Variants in PDE11A observed in about 807,000 individuals in gnomAD.
PDE11A encodes phosphodiesterase 11A.
A neutral mutation model predicts 100.5 loss-of-function variants in PDE11A; 100 were observed. The observed-to-expected ratio is 1.00, with a 90% CI of 0.85 to 1.18. PDE11A has a LOEUF of 1.18. Among genes scored for constraint, PDE11A ranks in the 50% most tolerant of loss-of-function variants. PDE11A has a pLI of 0.00. For missense variants in PDE11A, 1,141 were observed against 1,152.6 expected (o/e 0.99, Z 0.15); for synonymous variants, 381 against 420.8 (o/e 0.91, Z 1.16).
intron 2 of PDE11A, among the ~76,000 whole-genome samples, chr2:178,083,100 T>A (rs902988241): frequency 6.2e-4 from 43 of 69,340 alleles, no homozygotes; most frequent in South Asian, 2.5e-3. Context: ...AAAACTAAAA[T>A]TTTTTTTTTT....
At chr2:177,900,244 C>T (rs2084676337) in intron 3 of PDE11A, among the ~76,000 whole-genome samples, 1 of 152,154 alleles carries the variant, frequency 6.6e-6, no homozygotes, top group African/African-American at 2.4e-5. Flanking sequence ...GTGAATTGCC[C>T]AGAGGGCACT....
intron 9 of PDE11A, among the ~76,000 whole-genome samples, chr2:177,772,057 T>A (rs2082319214): frequency 2.0e-5 from 3 of 152,026 alleles, no homozygotes; most frequent in Admixed American, 6.6e-5. Flanking sequence ...TGATCATAAC[T>A]AATATAGTTA....
intron 6 of PDE11A, among the ~76,000 whole-genome samples, chr2:177,826,824 C>T (rs990850208): frequency 2.0e-5 from 3 of 152,206 alleles, no homozygotes; most frequent in African/African-American, 7.2e-5. Flanking sequence ...GTTCACTGTC[C>T]AATCTACCCT....
In PDE11A at chr2:177,795,378, T is replaced by G. The variant is rs551798660; in HGVS notation, c.1737+21451A>C. 4.6e-5 allele frequency among the ~76,000 whole-genome samples: 7 copies of G among 152,332 alleles called. No homozygotes were observed. In the East Asian group the frequency reaches 9.7e-4, roughly 21 times the overall value. On this transcript the variant is annotated intron_variant, in intron 9 of 19. Coordinates refer to ENST00000286063, the MANE Select transcript of PDE11A (RefSeq NM_016953.4). ...CAGTCTCTGCTCTGGGCCCAACACC[T>G]GAGCCAATGTTCTGATTGGCTCCTG... is the stretch of plus-strand genomic sequence containing the variant.
intron 2 of PDE11A, chr2:177,997,359 A>T: frequency 1.2e-6 from 1 of 852,030 alleles, no homozygotes; most frequent in Non-Finnish European, 2.0e-6. Context: ...TCTGCTGAAG[A>T]TTTCTGGGGT....
intron 19 of PDE11A, among the ~76,000 whole-genome samples, chr2:177,658,447 C>G (rs1459502869): frequency 2.0e-5 from 3 of 151,402 alleles, no homozygotes; most frequent in Non-Finnish European, 2.9e-5. Flanking sequence ...CTTTCCTTCT[C>G]TCCTCCCCTT....
At position 178,071,509 on chromosome 2, in the gene PDE11A, A is replaced by G; in HGVS notation, c.912+17T>C. The stretch of plus-strand genomic sequence containing the variant: ...GCCAATGGGGCTCTGGGAGAAGGGG[A>G]CAATGCAAAGTCCTACCTGGTAGGC... On this transcript the variant is annotated intron_variant, in intron 1 of 19. Transcript: ENST00000286063. 6.2e-7 allele frequency: 1 copy of G among 1,613,200 alleles called. No individual in the cohort carries two copies. Among genetic ancestry groups the G allele is most frequent in the Non-Finnish European group, 8.5e-7 (1 of 1,179,210 alleles).
intron 3 of PDE11A, among the ~76,000 whole-genome samples, chr2:177,900,372 T>C (rs2084677680): frequency 6.6e-6 from 1 of 152,250 alleles, no homozygotes; most frequent in Non-Finnish European, 1.5e-5. Context: ...CTCAGGGACA[T>C]GACTAATTTT....
chr2:177,863,220 T>C (rs574551500), intron 5 of PDE11A, among the ~76,000 whole-genome samples: 3 of 152,024 alleles, frequency 2.0e-5, no homozygotes, highest in African/African-American at 7.2e-5. Flanking sequence ...CCAAAAACTA[T>C]AAAATTCCTA....
At chr2:177,921,862 T>C (rs2085053772) in intron 2 of PDE11A, 1 of 152,200 alleles carries the variant, frequency 6.6e-6, no homozygotes, top group African/African-American at 2.4e-5. Context: ...AAAATTATCC[T>C]ACTAAACTCA....
Position 177,629,355 on chromosome 2 carries a change from A to G in PDE11A, c.*52T>C. On this transcript the variant is annotated 3_prime_UTR_variant, in exon 20 of 20. Coordinates refer to ENST00000286063, the MANE Select transcript of PDE11A (RefSeq NM_016953.4). ...ACAAAAGGATGACATTGCTGGACTG[A>G]AAATGGCCCTTCAGGCTGTAGTCAT... The G allele has an allele frequency of 2.0e-6, 3 of 1,517,010 alleles. No individual in the cohort carries two copies. The Middle Eastern group carries it at 6.6e-4, about 336-fold the overall frequency. 94.0% of individuals were successfully genotyped at this position (1,517,010 alleles called of 1,614,324 possible).
chr2:177,779,043 A>G (rs1022140746), intron 9 of PDE11A, among the ~76,000 whole-genome samples: 3 of 152,180 alleles, frequency 2.0e-5, no homozygotes, highest in African/African-American at 7.2e-5. Flanking sequence ...AGATATTGAG[A>G]GTTTGGTTCC....
chr2:177,885,740 G>A (rs1284507206), intron 4 of PDE11A, among the ~76,000 whole-genome samples: 3 of 152,116 alleles, frequency 2.0e-5, no homozygotes, highest in Admixed American at 6.6e-5. Flanking sequence ...GAGGATGCTC[G>A]CCCCATCTCT....
At chr2:177,774,922 ATGGATTATCT>A (rs2082358283) in intron 9 of PDE11A, among the ~76,000 whole-genome samples, 1 of 152,176 alleles carries the variant, frequency 6.6e-6, no homozygotes. Flanking sequence ...TCACCTTGAG[ATGGATTATCT>A]TGGATTATCT....
chr2:178,021,242 A>C (rs1203708383), intron 1 of PDE11A, among the ~76,000 whole-genome samples: 1 of 152,126 alleles, frequency 6.6e-6, no homozygotes, highest in Non-Finnish European at 1.5e-5. Flanking sequence ...GATTACAGGC[A>C]TGAGCCACCG....
intron 2 of PDE11A, among the ~76,000 whole-genome samples, chr2:177,965,114 T>C (rs1302746547): frequency 1.3e-5 from 2 of 152,088 alleles, no homozygotes; most frequent in East Asian, 3.9e-4. Flanking sequence ...GCATTTCTAA[T>C]GATTAGTGTT....
At chr2:178,107,072 C>T (rs1052618417) in intron 1 of PDE11A, among the ~76,000 whole-genome samples, 1 of 151,622 alleles carries the variant, frequency 6.6e-6, no homozygotes, top group Non-Finnish European at 1.5e-5. Flanking sequence ...ACTGTCCTTA[C>T]TCATAAACTA....
intron 5 of PDE11A, among the ~76,000 whole-genome samples, chr2:177,864,790 T>C (rs2084000581): frequency 6.6e-6 from 1 of 152,182 alleles, no homozygotes; most frequent in South Asian, 2.1e-4. Context: ...TAACCTATAG[T>C]GTTCTTTTAT....
chr2:177,943,186 T>G (rs1276013111), intron 2 of PDE11A, among the ~76,000 whole-genome samples: 2 of 152,220 alleles, frequency 1.3e-5, no homozygotes, highest in Non-Finnish European at 2.9e-5. Context: ...TAAACATGGG[T>G]GTACAAATAT....
Sources: allele counts gnomAD v4.1 joint callset (sites outside exome capture counted in the v4.1 genomes callset), GRCh38; gene constraint gnomAD v4.1.1; transcripts MANE v1.5; gene names NCBI Gene and HGNC (gene_info 2026-07-23, HGNC 2026-07-21).